Variants in BNC2 observed in about 807,000 individuals in gnomAD.
BNC2 encodes the protein zinc finger protein basonuclin-2.
In BNC2, 20 loss-of-function variants were observed where a neutral mutation model predicts 76.3. The ratio of observed to expected loss-of-function variants is 0.26; its 90% CI spans 0.18 to 0.38. The LOEUF (loss-of-function observed/expected upper bound fraction) is 0.38. Ranked by LOEUF, BNC2 falls within the 10% of genes least tolerant of loss-of-function variation. The pLI is 1.00. For synonymous variants in BNC2, 582 were observed against 514.8 expected (o/e 1.13, Z -1.77); for missense variants, 1,382 against 1,399.8 (o/e 0.99, Z 0.20).
At chr9:16,598,587 A>G (rs1820158079) in intron 3 of BNC2, among the ~76,000 whole-genome samples, 1 of 152,182 alleles carries the variant, frequency 6.6e-6, no homozygotes, top group Non-Finnish European at 1.5e-5. Context: ...GATACACTAG[A>G]AATAAGTACC....
chr9:16,689,148 T>C (rs992007417), intron 3 of BNC2, among the ~76,000 whole-genome samples: 16 of 143,486 alleles, frequency 1.1e-4, no homozygotes, highest in African/African-American at 4.2e-4. Context: ...ACACACTCTT[T>C]GTTTACTGAG....
At position 16,630,749 on chromosome 9, in the gene BNC2, C is replaced by CTTTTTTTTTTT. The variant is rs755684997; in HGVS notation, c.331-47665_331-47664insAAAAAAAAAAA. ...TATTATTTAAAAATGTGGAGCGTTT[C>CTTTTTTTTTTT]TTTTTTTGAAACAGAGTTTCACTCT... On this transcript the variant is annotated intron_variant, in intron 3 of 6. Coordinates refer to ENST00000380672, the MANE Select transcript of BNC2 (RefSeq NM_017637.6). 8.0e-4 allele frequency among the ~76,000 whole-genome samples: 112 copies of CTTTTTTTTTTT among 140,182 alleles called. 11 individuals are homozygous for CTTTTTTTTTTT. Among genetic ancestry groups the CTTTTTTTTTTT allele is most frequent in the African/African-American group, 2.3e-3 (82 of 35,718 alleles). The allele number at this position is 140,182 out of a possible 152,430, so 92.0% of individuals were successfully genotyped here.
intron 1 of BNC2, among the ~76,000 whole-genome samples, chr9:16,801,811 A>C (rs7021433): frequency 0.024 from 3,671 of 152,036 alleles, 146 homozygotes; most frequent in East Asian, 0.18. Context: ...CAAAGGGATA[A>C]TCCCTTACTG....
At chr9:16,752,458 C>T (rs1473389098) in intron 1 of BNC2, among the ~76,000 whole-genome samples, 3 of 152,134 alleles carry the variant, frequency 2.0e-5, no homozygotes, top group African/African-American at 7.2e-5. Flanking sequence ...TCAAATGAGA[C>T]GTTTCATGCT....
chr9:16,780,257 C>CAAAAAAAA (rs1212395782), intron 1 of BNC2, among the ~76,000 whole-genome samples: 3 of 78,684 alleles, frequency 3.8e-5, no homozygotes, highest in South Asian at 3.3e-4. Flanking sequence ...AAAAAAAAAA[C>CAAAAAAAA]AAAAAAAAAC....
At chr9:16,853,416 A>C (rs1205038697) in intron 1 of BNC2, among the ~76,000 whole-genome samples, 1 of 152,054 alleles carries the variant, frequency 6.6e-6, no homozygotes, top group African/African-American at 2.4e-5. Context: ...CAAAAAAAAA[A>C]AAAAAAAGCA....
chr9:16,736,897 C>A (rs1824688597), intron 2 of BNC2, among the ~76,000 whole-genome samples: 2 of 152,088 alleles, frequency 1.3e-5, no homozygotes, highest in African/African-American at 4.8e-5. Flanking sequence ...ATCTCCGCCT[C>A]CCAGATTCAA....
chr9:16,538,612 C>A (rs564573724), intron 5 of BNC2, among the ~76,000 whole-genome samples: 2 of 152,140 alleles, frequency 1.3e-5, no homozygotes, highest in South Asian at 2.1e-4. Flanking sequence ...GGAAATATAT[C>A]TTTTGCTGCT....
At chr9:16,516,589 T>C (rs531358483) in intron 5 of BNC2, among the ~76,000 whole-genome samples, 48 of 152,292 alleles carry the variant, frequency 3.2e-4, no homozygotes, top group African/African-American at 1.0e-3. Flanking sequence ...AAGCGGGTTC[T>C]TTCTAGTACA....
chr9:16,600,856 G>C, intron 3 of BNC2, among the ~76,000 whole-genome samples: 1 of 152,186 alleles, frequency 6.6e-6, no homozygotes, highest in Non-Finnish European at 1.5e-5. Flanking sequence ...TCTGTACACA[G>C]TTGTCAGGTG....
intron 4 of BNC2, among the ~76,000 whole-genome samples, chr9:16,555,780 G>A (rs1333127579): frequency 1.3e-5 from 2 of 152,054 alleles, no homozygotes; most frequent in Non-Finnish European, 2.9e-5. Flanking sequence ...CTGGGCAACA[G>A]AGTGAGACCC....
chr9:16,414,745 T>C lies in BNC2; in HGVS notation c.*4244A>G, dbSNP rs1378946168. 2.0e-5 allele frequency: 3 copies of C among 152,230 alleles called. No homozygotes were observed. The highest frequency in any genetic ancestry group is 2.9e-5 in the Non-Finnish European group (2 of 68,074). 9.4% of individuals were successfully genotyped at this position (152,230 alleles called of 1,614,324 possible). A position where few individuals can be genotyped will look rare whatever the true frequency, so the allele number is the denominator to read the frequency against. ...AGCATGTCCATCTCAATCTGGTGAC[T>C]AGCTTCTTTATGCTTTAATTGTCAA... On this transcript the variant is annotated 3_prime_UTR_variant, in exon 7 of 7. Coordinates refer to ENST00000380672, the MANE Select transcript of BNC2 (RefSeq NM_017637.6).
rs76531752 is a variant in BNC2 at position 16,697,762 on chromosome 9, G to C, written c.330+30035C>G. ...TATAGAATGATAAAAATATATACTG[G>C]TATATATAACCTCTTAGTTTAAAAT... On this transcript the variant is annotated intron_variant, in intron 3 of 6. Coordinates refer to ENST00000380672, the MANE Select transcript of BNC2 (RefSeq NM_017637.6). 3.0e-3 allele frequency among the ~76,000 whole-genome samples: 459 copies of C among 152,076 alleles called. 3 individuals carry two copies. The highest frequency in any genetic ancestry group is 0.011 in the African/African-American group (444 of 41,496).
At chr9:16,855,702 T>G (rs1212532058) in intron 1 of BNC2, among the ~76,000 whole-genome samples, 1 of 151,358 alleles carries the variant, frequency 6.6e-6, no homozygotes, top group Non-Finnish European at 1.5e-5. Context: ...CACGCCCGGC[T>G]GATTTCTTGT....
chr9:16,683,864 T>C (rs969286669), intron 3 of BNC2, among the ~76,000 whole-genome samples: 2 of 152,154 alleles, frequency 1.3e-5, no homozygotes, highest in Admixed American at 1.3e-4. Context: ...TTTTAACAGA[T>C]TCAATCCTTC....
chr9:16,646,673 T>C (rs1278666567), intron 3 of BNC2, among the ~76,000 whole-genome samples: 1 of 152,178 alleles, frequency 6.6e-6, no homozygotes, highest in African/African-American at 2.4e-5. Flanking sequence ...TAGTTTAATA[T>C]GAGTATACAC....
chr9:16,702,869 C>G (rs1000318625), intron 3 of BNC2, among the ~76,000 whole-genome samples: 30 of 152,148 alleles, frequency 2.0e-4, no homozygotes, highest in African/African-American at 7.2e-4. Context: ...GTCACTTATC[C>G]AAAGTCACAA....
At chr9:16,572,802 G>A (rs1434064276) in intron 4 of BNC2, among the ~76,000 whole-genome samples, 3 of 152,124 alleles carry the variant, frequency 2.0e-5, no homozygotes, top group African/African-American at 7.2e-5. Flanking sequence ...CAAGGGACAA[G>A]AGCCTGGATT....
chr9:16,498,474 C>G (rs1822447063), intron 5 of BNC2, among the ~76,000 whole-genome samples: 1 of 149,864 alleles, frequency 6.7e-6, no homozygotes, highest in African/African-American at 2.5e-5. Flanking sequence ...TATGAGGACG[C>G]AAACACCTAA....
Sources: gnomAD v4.1 joint callset for allele counts (sites outside exome capture counted in the v4.1 genomes callset) on GRCh38, gnomAD v4.1.1 for gene constraint, MANE v1.5 for transcripts, NCBI Gene and HGNC (gene_info 2026-07-23, HGNC 2026-07-21) for gene names.